Variants in CDH13 observed in about 807,000 individuals in gnomAD.
CDH13 encodes cadherin-13.
A neutral mutation model predicts 63.8 loss-of-function variants in CDH13; 24 were observed. That is an observed-to-expected ratio of 0.38 (90% CI 0.27 to 0.53). The LOEUF is 0.53. CDH13 is among the 20% of genes least tolerant of loss of function. The probability of loss-of-function intolerance (pLI) is 0.85; values close to 1 mark genes in which losing one functional copy is unlikely to be tolerated. For synonymous variants in CDH13, 503 were observed against 355.3 expected (o/e 1.42, Z -4.67); for missense variants, 1,049 against 903.1 (o/e 1.16, Z -2.07).
At chr16:83,540,830 A>G (rs1465884939) in intron 7 of CDH13, among the ~76,000 whole-genome samples, 8 of 152,144 alleles carry the variant, frequency 5.3e-5, no homozygotes, top group Admixed American at 2.0e-4. Flanking sequence ...GGTTTTCACC[A>G]TGTTGGCCAG....
chr16:82,835,208 C>A (rs1414611642), intron 1 of CDH13, among the ~76,000 whole-genome samples: 1 of 152,204 alleles, frequency 6.6e-6, no homozygotes, highest in Non-Finnish European at 1.5e-5. Flanking sequence ...CACTTAACAG[C>A]ACCTCTTAAT....
At chr16:83,143,633 G>C (rs138600484) in intron 4 of CDH13, among the ~76,000 whole-genome samples, 1 of 152,246 alleles carries the variant, frequency 6.6e-6, no homozygotes, top group African/African-American at 2.4e-5. Context: ...TTTATCATTA[G>C]GACCATCAAA....
chr16:83,435,950 A>T (rs1422796233), intron 6 of CDH13, among the ~76,000 whole-genome samples: 2 of 152,146 alleles, frequency 1.3e-5, no homozygotes, highest in East Asian at 3.9e-4. Context: ...TTAATTCTTC[A>T]ATTTAAAAAG....
chr16:83,334,468 C>T (rs978854682), intron 5 of CDH13, among the ~76,000 whole-genome samples: 6 of 151,656 alleles, frequency 4.0e-5, no homozygotes, highest in Non-Finnish European at 8.8e-5. Flanking sequence ...ACCTTCCGGG[C>T]TCAAGTGATC....
At chr16:83,274,819 A>T (rs1475437404) in intron 5 of CDH13, among the ~76,000 whole-genome samples, 1 of 152,182 alleles carries the variant, frequency 6.6e-6, no homozygotes, top group Non-Finnish European at 1.5e-5. Context: ...TTTGTAAGCA[A>T]AATGTATAAG....
intron 7 of CDH13, among the ~76,000 whole-genome samples, chr16:83,592,792 TA>T (rs1008019307): frequency 1.8e-4 from 27 of 151,798 alleles, no homozygotes; most frequent in African/African-American, 6.0e-4. Context: ...AAATAAAAAA[TA>T]AAAAACAGCA....
intron 5 of CDH13, among the ~76,000 whole-genome samples, chr16:83,256,147 C>T (rs1400829331): frequency 6.6e-5 from 10 of 152,174 alleles, no homozygotes; most frequent in African/African-American, 2.4e-4. Context: ...GAGCCTCCCA[C>T]ATTAGCCTTC....
intron 2 of CDH13, among the ~76,000 whole-genome samples, chr16:82,865,728 T>C (rs1448215640): frequency 6.6e-6 from 1 of 152,214 alleles, no homozygotes; most frequent in Non-Finnish European, 1.5e-5. Flanking sequence ...TGTTACACCA[T>C]TGACTTGGCG....
intron 2 of CDH13, among the ~76,000 whole-genome samples, chr16:82,870,121 T>C (rs780641507): frequency 7.3e-5 from 11 of 150,326 alleles, no homozygotes; most frequent in Non-Finnish European, 1.5e-4. Context: ...GTCAAACAAC[T>C]CAATAGAAAA....
chr16:83,127,467 C>T (rs146377364), intron 4 of CDH13, among the ~76,000 whole-genome samples: 18 of 152,328 alleles, frequency 1.2e-4, no homozygotes, highest in East Asian at 3.9e-4. Flanking sequence ...TGGTGGTTCA[C>T]GCCTGTAATC....
chr16:82,661,889 T>C (rs139799777), intron 1 of CDH13, among the ~76,000 whole-genome samples: 148 of 152,342 alleles, frequency 9.7e-4, no homozygotes, highest in African/African-American at 3.2e-3. Flanking sequence ...ATCTGCACTG[T>C]CTAATATAGT....
chr16:83,496,002 A>G (rs971756115), intron 7 of CDH13, among the ~76,000 whole-genome samples: 4 of 151,338 alleles, frequency 2.6e-5, no homozygotes, highest in African/African-American at 9.7e-5. Context: ...GCTCAAGGAA[A>G]TAAAAGAGGA....
chr16:83,463,807 A>G (rs2073240265), intron 6 of CDH13, among the ~76,000 whole-genome samples: 1 of 152,116 alleles, frequency 6.6e-6, no homozygotes, highest in Non-Finnish European at 1.5e-5. Flanking sequence ...TCTGTCTCCA[A>G]AAAAAGCAAA....
chr16:82,676,273 C>T (rs1248992644), intron 1 of CDH13, among the ~76,000 whole-genome samples: 2 of 152,122 alleles, frequency 1.3e-5, no homozygotes, highest in South Asian at 2.1e-4. Flanking sequence ...TTGGATTCCA[C>T]GTTTTCCAAT....
At chr16:82,936,958 G>C (rs1017691150) in intron 2 of CDH13, among the ~76,000 whole-genome samples, 1 of 152,256 alleles carries the variant, frequency 6.6e-6, no homozygotes, top group South Asian at 2.1e-4. Flanking sequence ...GGCCTCTGGG[G>C]TCATGGTCCT....
At chr16:83,057,641 G>A (rs1051451169) in intron 3 of CDH13, among the ~76,000 whole-genome samples, 1 of 150,386 alleles carries the variant, frequency 6.6e-6, no homozygotes, top group Admixed American at 6.6e-5. Context: ...TCCTTAGCAT[G>A]ACACACAAAA....
chr16:82,798,605 T>G (rs1176260509), intron 1 of CDH13, among the ~76,000 whole-genome samples: 2 of 152,184 alleles, frequency 1.3e-5, no homozygotes, highest in Non-Finnish European at 2.9e-5. Context: ...GGGCTGTTTT[T>G]GGAAGACACT....
intron 2 of CDH13, among the ~76,000 whole-genome samples, chr16:82,969,642 G>A (rs1029462479): frequency 6.6e-6 from 1 of 151,966 alleles, no homozygotes; most frequent in African/African-American, 2.4e-5. Context: ...AGCATGCCTG[G>A]CCTCTACACA....
intron 3 of CDH13, among the ~76,000 whole-genome samples, chr16:83,065,400 G>A (rs369506687): frequency 5.3e-4 from 81 of 152,202 alleles, no homozygotes; most frequent in African/African-American, 1.8e-3. Context: ...CTAATTCAAA[G>A]AAACAGATAT....
Sources: gnomAD v4.1 joint callset for allele counts (sites outside exome capture counted in the v4.1 genomes callset) on GRCh38, gnomAD v4.1.1 for gene constraint, MANE v1.5 for transcripts, NCBI Gene and HGNC (gene_info 2026-07-23, HGNC 2026-07-21) for gene names.